Variants in RSU1 observed in about 807,000 individuals in gnomAD.
RSU1 encodes the protein Ras suppressor protein 1.
In RSU1, 26 loss-of-function variants were observed where a neutral mutation model predicts 31.1. The ratio of observed to expected loss-of-function variants is 0.84; its 90% CI spans 0.61 to 1.16. RSU1 has a LOEUF of 1.16. RSU1 is among the 50% of genes most tolerant of loss of function. The pLI is 0.00. For missense variants in RSU1, 320 were observed against 339.1 expected (o/e 0.94, Z 0.44); for synonymous variants, 164 against 136.3 (o/e 1.20, Z -1.41).
intron 7 of RSU1, chr10:16,727,124 C>T (rs960118039): frequency 2.2e-6 from 1 of 456,482 alleles, no homozygotes; most frequent in African/African-American, 2.0e-5. Flanking sequence ...AAGATGCCTA[C>T]CACAAGGGAA....
At chr10:16,631,119 G>A (rs184904986) in intron 8 of RSU1, among the ~76,000 whole-genome samples, 29 of 152,230 alleles carry the variant, frequency 1.9e-4, no homozygotes, top group South Asian at 4.2e-4. Flanking sequence ...GGTTCCAATC[G>A]TAATCAGCAT....
chr10:16,787,412 C>T (rs907830278), intron 2 of RSU1, among the ~76,000 whole-genome samples: 2 of 152,136 alleles, frequency 1.3e-5, no homozygotes, highest in African/African-American at 2.4e-5. Context: ...GCCTGGGCCC[C>T]GACTTGCCCA....
At chr10:16,703,654 G>A (rs893072547) in intron 7 of RSU1, among the ~76,000 whole-genome samples, 1 of 152,066 alleles carries the variant, frequency 6.6e-6, no homozygotes, top group African/African-American at 2.4e-5. Context: ...ATGGGGCAAT[G>A]GTCATGACAT....
At chr10:16,640,004 C>T (rs997734659) in intron 8 of RSU1, among the ~76,000 whole-genome samples, 1 of 152,024 alleles carries the variant, frequency 6.6e-6, no homozygotes, top group African/African-American at 2.4e-5. Flanking sequence ...TAATGGGAAC[C>T]GATCTAGCAT....
chr10:16,757,930 T>C (rs1837131781), intron 4 of RSU1, among the ~76,000 whole-genome samples: 1 of 152,216 alleles, frequency 6.6e-6, no homozygotes, highest in Non-Finnish European at 1.5e-5. Context: ...AAATCCACGG[T>C]TAGACAGGCT....
chr10:16,745,713 G>T (rs1010940119), intron 7 of RSU1, among the ~76,000 whole-genome samples: 2 of 152,276 alleles, frequency 1.3e-5, no homozygotes, highest in African/African-American at 4.8e-5. Context: ...GATGAGATTT[G>T]GGTGAGGACA....
At chr10:16,723,967 T>G (rs1836333058) in intron 7 of RSU1, among the ~76,000 whole-genome samples, 1 of 152,116 alleles carries the variant, frequency 6.6e-6, no homozygotes, top group African/African-American at 2.4e-5. Context: ...TGAGATGGGG[T>G]TTCACTGTTG....
At chr10:16,724,611 A>G (rs1387289252) in intron 7 of RSU1, among the ~76,000 whole-genome samples, 2 of 152,234 alleles carry the variant, frequency 1.3e-5, no homozygotes, top group African/African-American at 4.8e-5. Context: ...ACGTGGCAGA[A>G]GAGGAGCAGA....
intron 8 of RSU1, among the ~76,000 whole-genome samples, chr10:16,671,019 G>A (rs1273415782): frequency 6.6e-6 from 1 of 152,184 alleles, no homozygotes; most frequent in African/African-American, 2.4e-5. Context: ...ACCTGCCTCG[G>A]CTTCCCAAAA....
In RSU1 at chr10:16,689,417, G is replaced by A. The variant is rs539814712; in HGVS notation, c.731+5606C>T. On this transcript the variant is annotated intron_variant, in intron 8 of 8. Transcript: ENST00000345264. ...GTGAAGTTATTTAAAGAATTTCTAG[G>A]CCACTGACTCAGCAGTCACTAGAGG... Among the ~76,000 whole-genome samples, 9 of 152,334 alleles carry A rather than the reference G, an allele frequency of 5.9e-5. No individual in the cohort carries two copies. The South Asian group carries it at 1.9e-3, about 32-fold the overall frequency.
chr10:16,797,748 C>CA (rs141741616), intron 2 of RSU1, among the ~76,000 whole-genome samples: 1 of 146,588 alleles, frequency 6.8e-6, no homozygotes, highest in Non-Finnish European at 1.5e-5. Flanking sequence ...AAATTAGAAA[C>CA]AAAAAAAATT....
intron 3 of RSU1, among the ~76,000 whole-genome samples, chr10:16,771,672 G>A (rs1837426435): frequency 6.6e-6 from 1 of 152,046 alleles, no homozygotes; most frequent in Non-Finnish European, 1.5e-5. Context: ...AACACAAGGT[G>A]GACAATAATG....
chr10:16,609,136 C>T (rs1213859281), intron 8 of RSU1, among the ~76,000 whole-genome samples: 3 of 152,144 alleles, frequency 2.0e-5, no homozygotes, highest in Non-Finnish European at 4.4e-5. Flanking sequence ...GTGTGAGCCA[C>T]GGTGCCCAGC....
At chr10:16,784,453 G>A (rs943784596) in intron 2 of RSU1, among the ~76,000 whole-genome samples, 11 of 152,188 alleles carry the variant, frequency 7.2e-5, no homozygotes, top group Non-Finnish European at 1.5e-4. Context: ...GGCTGTACAG[G>A]AAGCACAGAA....
At chr10:16,625,977 G>A (rs1014032011) in intron 8 of RSU1, among the ~76,000 whole-genome samples, 1 of 152,144 alleles carries the variant, frequency 6.6e-6, no homozygotes, top group African/African-American at 2.4e-5. Context: ...CAAAACACTG[G>A]GGCATGGTAT....
chr10:16,652,165 A>T (rs1003889785), intron 8 of RSU1, among the ~76,000 whole-genome samples: 1 of 152,188 alleles, frequency 6.6e-6, no homozygotes, highest in Non-Finnish European at 1.5e-5. Context: ...GTTGTGCTAA[A>T]CTGTAAAATA....
intron 2 of RSU1, among the ~76,000 whole-genome samples, chr10:16,796,211 G>A (rs931689809): frequency 6.6e-6 from 1 of 152,122 alleles, no homozygotes; most frequent in Non-Finnish European, 1.5e-5. Context: ...CTTGGATTTT[G>A]ATTCTCTCCC....
chr10:16,594,356 G>A (rs1468471055), intron 8 of RSU1, among the ~76,000 whole-genome samples: 1 of 151,866 alleles, frequency 6.6e-6, no homozygotes, highest in Middle Eastern at 3.4e-3. Flanking sequence ...CAAGGAATAT[G>A]CACACTCTCT....
In RSU1 at chr10:16,751,457, C is replaced by G. The variant is rs541781246; in HGVS notation, c.598+1082G>C. On this transcript the variant is annotated intron_variant, in intron 7 of 8. Coordinates refer to ENST00000345264, the MANE Select transcript of RSU1 (RefSeq NM_012425.4). ...TAGACTAATATGGCTGCCAACAGAA[C>G]TCAAGGTGCTGATAGGCGTGCTCTG... Among the ~76,000 whole-genome samples the G allele has an allele frequency of 3.1e-3, 470 of 152,296 alleles. 1 individual carries two copies. Among genetic ancestry groups the G allele is most frequent in the Non-Finnish European group, 5.4e-3 (366 of 68,018 alleles).
Sources: allele counts gnomAD v4.1 joint callset (sites outside exome capture counted in the v4.1 genomes callset), GRCh38; gene constraint gnomAD v4.1.1; transcripts MANE v1.5; gene names NCBI Gene and HGNC (gene_info 2026-07-23, HGNC 2026-07-21).